PJA2: variants seen among roughly 807,000 people sequenced by gnomAD.
PJA2 encodes E3 ubiquitin-protein ligase Praja-2.
In PJA2, 25 loss-of-function variants were observed where a neutral mutation model predicts 69.3. The ratio of observed to expected loss-of-function variants is 0.36; its 90% CI spans 0.26 to 0.50. The LOEUF (loss-of-function observed/expected upper bound fraction) is 0.50, where lower values mean the gene tolerates loss of function less well. Among genes scored for constraint, PJA2 ranks in the 20% least tolerant of loss-of-function variants. The pLI is 0.96. For missense variants in PJA2, 809 were observed against 830.2 expected (o/e 0.97, Z 0.31); for synonymous variants, 308 against 277.8 (o/e 1.11, Z -1.08).
In PJA2 at chr5:109,368,600, C is replaced by T; in HGVS notation, c.1430G>A (p.Gly477Asp). 6.2e-7 allele frequency: 1 copy of T among 1,613,926 alleles called. No homozygotes were observed. The highest frequency in any genetic ancestry group is 8.5e-7 in the Non-Finnish European group (1 of 1,179,962). The change falls in exon 5 of 10, where the codon GGC (glycine) becomes GAC (aspartate). Residue 477 changes from glycine (G) to aspartate (D), a missense_variant. Around this residue, in one of 4 missense-constraint regions of PJA2, gnomAD observed 700 missense variants for 639.5 expected, o/e 1.09. Coordinates refer to ENST00000361189, the MANE Select transcript of PJA2 (RefSeq NM_014819.5). ...TAATTCTTGGTTTTCTTCTTCAGGGCCACTGCTATCACTTTGTAGCTCAGG... is the reference window on the plus strand; with the variant it reads ...TAATTCTTGGTTTTCTTCTTCAGGGTCACTGCTATCACTTTGTAGCTCAGG... Reference protein sequence around the residue: ...NEPELQSDSSGPEEENQELSL... With the variant: ...NEPELQSDSSDPEEENQELSL...
chr5:109,351,276 T>G lies in PJA2; in HGVS notation c.1764+4639A>C, dbSNP rs62375616. 2.8e-3 allele frequency among the ~76,000 whole-genome samples: 430 copies of G among 152,220 alleles called. 3 individuals are homozygous for G. The highest frequency in any genetic ancestry group is 3.9e-3 in the South Asian group (19 of 4,822). On this transcript the variant is annotated intron_variant, in intron 7 of 9. Coordinates refer to ENST00000361189, the MANE Select transcript of PJA2 (RefSeq NM_014819.5). ...ACAACGTTTTTCAACCTTACATTCA[T>G]AAGATGAAAATCAGAAGTAAATTTA... is the stretch of plus-strand genomic sequence containing the variant.
At chr5:109,397,916 GGCTAA>G (rs1747454407) in intron 1 of PJA2, among the ~76,000 whole-genome samples, 1 of 151,938 alleles carries the variant, frequency 6.6e-6, no homozygotes, top group South Asian at 2.1e-4. Context: ...TCTGACAAAG[GGCTAA>G]TATCCAGAAT....
intron 5 of PJA2, among the ~76,000 whole-genome samples, chr5:109,363,872 C>T (rs1762537676): frequency 6.6e-6 from 1 of 152,104 alleles, no homozygotes; most frequent in East Asian, 1.9e-4. Flanking sequence ...ACTCATTAGG[C>T]TAGGTGCAGT....
At chr5:109,370,246 CTACGTTCACT>C (rs1345734550) in intron 4 of PJA2, among the ~76,000 whole-genome samples, 1 of 152,138 alleles carries the variant, frequency 6.6e-6, no homozygotes, top group African/African-American at 2.4e-5. Flanking sequence ...AAAGATCTCT[CTACGTTCACT>C]AGACTTGGAA....
chr5:109,368,839 C>T, intron 4 of PJA2, 93 bp from the exon 5 acceptor site: 1 of 1,308,706 alleles, frequency 7.6e-7, no homozygotes, highest in Non-Finnish European at 1.0e-6. Context: ...GGATCTGTGT[C>T]CCCACCAAAT....
At chr5:109,371,150 T>C (rs1289186693) in intron 4 of PJA2, among the ~76,000 whole-genome samples, 4 of 152,248 alleles carry the variant, frequency 2.6e-5, no homozygotes, top group South Asian at 2.1e-4. Context: ...TCAGCTCCTT[T>C]AAGAAAAGGT....
chr5:109,383,345 A>C (rs755244585), intron 2 of PJA2, 58 bp downstream of exon 2: 11 of 1,500,820 alleles, frequency 7.3e-6, no homozygotes, highest in Non-Finnish European at 6.5e-6. Context: ...ACTGGTACTC[A>C]AGGTACCCAG....
At chr5:109,344,050 T>G in intron 9 of PJA2, 140 bp downstream of exon 9, 2 of 529,816 alleles carry the variant, frequency 3.8e-6, no homozygotes, top group Non-Finnish European at 6.0e-6. Flanking sequence ...TGAGCCGAGA[T>G]CGAACCACTG....
At chr5:109,397,549 C>T (rs549388238) in intron 1 of PJA2, among the ~76,000 whole-genome samples, 23 of 152,086 alleles carry the variant, frequency 1.5e-4, no homozygotes, top group African/African-American at 5.1e-4. Context: ...GACGGAGTCT[C>T]GTTCTATTGC....
intron 9 of PJA2, 87 bp downstream of exon 9, chr5:109,344,100 CAAA>C (rs916556182): frequency 0.019 from 7,390 of 393,706 alleles, no homozygotes; most frequent in South Asian, 0.033. Context: ...TTTGTCTCAC[CAAA>C]AAAAAAAAAA....
At position 109,378,919 on chromosome 5, in the gene PJA2, C is replaced by T. The variant is rs546471099; in HGVS notation, c.568G>A (p.Gly190Ser). The T allele has an allele frequency of 2.3e-5, 37 of 1,614,166 alleles. No individual in the cohort carries two copies. The South Asian group carries it at 3.8e-4, about 17-fold the overall frequency. Residue 190 changes from glycine to serine, a missense_variant, in exon 4 of 10, where the codon GGT becomes AGT. Around this residue, in one of 4 missense-constraint regions of PJA2, gnomAD observed 700 missense variants for 639.5 expected, o/e 1.09. Coordinates refer to ENST00000361189, the MANE Select transcript of PJA2 (RefSeq NM_014819.5). ...HLQLSAEVVEGSRYQESLGNT... is the reference protein window; with the variant it reads ...HLQLSAEVVESSRYQESLGNT... ...CCTAATGATTCCTGGTATCTACTAC[C>T]TTCCACGACTTCTGCAGAAAGTTGA...
intron 1 of PJA2, among the ~76,000 whole-genome samples, chr5:109,408,778 G>A (rs551856517): frequency 1.3e-5 from 2 of 152,256 alleles, no homozygotes; most frequent in Non-Finnish European, 2.9e-5. Flanking sequence ...AACCCCAAAA[G>A]ACAATTACAA....
chr5:109,395,158 A>C (rs1391281249), intron 1 of PJA2, among the ~76,000 whole-genome samples: 3 of 152,248 alleles, frequency 2.0e-5, no homozygotes. Flanking sequence ...ATTTCAAAGA[A>C]TATGAACTCA....
At chr5:109,369,600 A>G (rs1167639043) in intron 4 of PJA2, among the ~76,000 whole-genome samples, 1 of 152,246 alleles carries the variant, frequency 6.6e-6, no homozygotes, top group Non-Finnish European at 1.5e-5. Flanking sequence ...AATTTCTACT[A>G]TTACCATGTA....
chr5:109,407,908 C>T (rs1309450691), intron 1 of PJA2, among the ~76,000 whole-genome samples: 1 of 152,056 alleles, frequency 6.6e-6, no homozygotes, highest in Admixed American at 6.5e-5. Context: ...CTATAAAGAT[C>T]AGTTGTCTCC....
At chr5:109,354,634 T>C (rs1762379768) in intron 7 of PJA2, among the ~76,000 whole-genome samples, 1 of 145,910 alleles carries the variant, frequency 6.9e-6, no homozygotes, top group Admixed American at 7.0e-5. Context: ...ATTAGATATA[T>C]TAGATATATG....
chr5:109,345,180 TAAAA>T (rs60910860), intron 7 of PJA2, among the ~76,000 whole-genome samples: 8 of 103,972 alleles, frequency 7.7e-5, no homozygotes, highest in Admixed American at 1.0e-4. Context: ...CCGTCTCTAG[TAAAA>T]AAAAAAAAAA....
chr5:109,339,622 A>G (rs1165263022), intron 9 of PJA2, among the ~76,000 whole-genome samples: 1 of 152,192 alleles, frequency 6.6e-6, no homozygotes, highest in Non-Finnish European at 1.5e-5. Flanking sequence ...GTGGCTCTGC[A>G]TTTTCTGCTT....
At chr5:109,348,004 C>T (rs1241827515) in intron 7 of PJA2, among the ~76,000 whole-genome samples, 1 of 152,156 alleles carries the variant, frequency 6.6e-6, no homozygotes, top group Non-Finnish European at 1.5e-5. Flanking sequence ...GGTTTGGTTA[C>T]ACCTGTTGAG....
Sources: allele counts gnomAD v4.1 joint callset (sites outside exome capture counted in the v4.1 genomes callset), GRCh38; gene constraint gnomAD v4.1.1; regional missense constraint gnomAD v4.1.1; transcripts MANE v1.5; gene names NCBI Gene and HGNC (gene_info 2026-07-23, HGNC 2026-07-21).